AGPAT2: variants seen among roughly 807,000 people sequenced by gnomAD.
The protein encoded by AGPAT2 is 1-acylglycerol-3-phosphate O-acyltransferase 2.
AGPAT2 carries 18 observed loss-of-function variants against 26.1 expected under a neutral mutation model. The observed-to-expected ratio is 0.69, with a 90% confidence interval of 0.48 to 1.02. The LOEUF is 1.02. AGPAT2 is among the 50% of genes least tolerant of loss of function. The probability of loss-of-function intolerance (pLI) is 0.00; values close to 1 mark genes in which losing one functional copy is unlikely to be tolerated. For synonymous variants in AGPAT2, 200 were observed against 174.2 expected, an observed-to-expected ratio of 1.15 and a Z score of -1.16; for missense variants, 415 against 394.9, an observed-to-expected ratio of 1.05 and a Z score of -0.43.
chr9:136,680,262 T>A (rs1846142556), intron 1 of AGPAT2, among the ~76,000 whole-genome samples: 1 of 152,248 alleles, frequency 6.6e-6, no homozygotes, highest in Non-Finnish European at 1.5e-5. Flanking sequence ...GGTCTCACTC[T>A]GTCACCCAGA....
Position 136,673,788 on chromosome 9 carries a change from C to T in AGPAT2, c.801G>A (p.Gly267=), listed in dbSNP as rs777428971. 1.0e-5 allele frequency: 16 copies of T among 1,603,908 alleles called. No homozygotes were observed. The highest frequency in any genetic ancestry group is 1.0e-5 in the Non-Finnish European group (12 of 1,176,888). ...GCTGCACGCCAGACCCCGCAGTGGC[C>T]CCGTTCTCCTGGGGGGTCTTGGAGA... is the stretch of plus-strand genomic sequence containing the variant. The part of the protein sequence containing the change: ...LHISKTPQEN[G]ATAGSGVQPA... Residue 267 remains glycine, a synonymous_variant, in exon 6 of 6, where the codon GGG becomes GGA. Coordinates refer to ENST00000371696, the MANE Select transcript of AGPAT2 (RefSeq NM_006412.4).
At chr9:136,682,837 C>T (rs1846178291) in intron 1 of AGPAT2, among the ~76,000 whole-genome samples, 2 of 152,300 alleles carry the variant, frequency 1.3e-5, no homozygotes, top group South Asian at 4.1e-4. Flanking sequence ...ACCGCCTGAG[C>T]TCAGCCCCCA....
intron 3 of AGPAT2, 93 bp downstream of exon 3, chr9:136,676,868 T>C (rs1203762070): frequency 6.7e-7 from 1 of 1,502,188 alleles, no homozygotes; most frequent in African/African-American, 1.4e-5. Flanking sequence ...GGGGGTCTTG[T>C]TTTTTCTGCC....
chr9:136,673,948 C>G, intron 5 of AGPAT2, 21 bp from the exon 6 acceptor site: 2 of 1,509,040 alleles, frequency 1.3e-6, no homozygotes, highest in South Asian at 1.3e-5. Context: ...AGCAACAGAC[C>G]TCAGTGGCCT....
chr9:136,675,477 G>A (rs71483286), intron 4 of AGPAT2, among the ~76,000 whole-genome samples: 1 of 86,350 alleles, frequency 1.2e-5, no homozygotes, highest in African/African-American at 3.9e-5. Context: ...TGGCAGCAGG[G>A]AGGGAGGAGG....
intron 1 of AGPAT2, among the ~76,000 whole-genome samples, chr9:136,683,640 C>T (rs2131019525): frequency 6.6e-6 from 1 of 152,298 alleles, no homozygotes; most frequent in Middle Eastern, 3.4e-3. Flanking sequence ...TGTGGGGGGT[C>T]CCCGTGACTC....
At chr9:136,684,336 C>T (rs1417427823) in intron 1 of AGPAT2, among the ~76,000 whole-genome samples, 10 of 152,192 alleles carry the variant, frequency 6.6e-5, no homozygotes, top group African/African-American at 2.4e-4. Flanking sequence ...ACCAGGGCAT[C>T]GGCCCCTGGT....
At chr9:136,677,254 G>C in intron 2 of AGPAT2, 118 bp from the exon 3 acceptor site, 1 of 1,496,976 alleles carries the variant, frequency 6.7e-7, no homozygotes, top group Non-Finnish European at 9.1e-7. Context: ...TACCTGGACG[G>C]GTCGTGTGGC....
Position 136,687,324 on chromosome 9 carries a change from G to A in AGPAT2, c.34C>T (p.Leu12=), listed in dbSNP as rs780288590. Residue 12 remains leucine, a synonymous_variant, in exon 1 of 6, where the codon CTG becomes TTG. Coordinates refer to ENST00000371696, the MANE Select transcript of AGPAT2 (RefSeq NM_006412.4). ...AGCTGCACCAGCAGCAGCAGCAACAGCAGCGCCGCGGCCAGACACGGCCAC... is the reference window on the plus strand; with the variant it reads ...AGCTGCACCAGCAGCAGCAGCAACAACAGCGCCGCGGCCAGACACGGCCAC... The part of the protein sequence containing the change: ...ELWPCLAAAL[L]LLLLLVQLSR... 1.9e-6 allele frequency: 3 copies of A among 1,555,198 alleles called. No homozygotes were observed. Among genetic ancestry groups the A allele is most frequent in the Non-Finnish European group, 8.7e-7 (1 of 1,155,496 alleles).
intron 1 of AGPAT2, among the ~76,000 whole-genome samples, chr9:136,683,068 G>C (rs1157622163): frequency 6.6e-6 from 1 of 151,316 alleles, no homozygotes; most frequent in East Asian, 2.0e-4. Context: ...ACTAGGGGGT[G>C]GGGGGGAGGG....
At position 136,677,554 on chromosome 9, in the gene AGPAT2, A is replaced by G. The variant is rs772032254; in HGVS notation, c.185T>C (p.Ile62Thr). Residue 62 changes from isoleucine to threonine, a missense_variant and splice_region_variant, in exon 2 of 6, where the codon ATC (isoleucine) becomes ACC (threonine). Ile to Thr is a moderately conservative substitution (Grantham distance 89). Coordinates refer to ENST00000371696, the MANE Select transcript of AGPAT2 (RefSeq NM_006412.4). ...GAAGCTTCGCACGAACCAGCCGATGATGCTGCAGGGGAGGCCACCATGAAC... is the reference window on the plus strand; with the variant it reads ...GAAGCTTCGCACGAACCAGCCGATGGTGCTGCAGGGGAGGCCACCATGAAC... ...HGGRTVENMS[I>T]IGWFVRSFKY... 9 of 1,612,774 alleles carry G rather than the reference A, an allele frequency of 5.6e-6. No homozygotes were observed. In the East Asian group the frequency reaches 2.0e-4, roughly 36 times the overall value.
Position 136,673,429 on chromosome 9 carries a change from G to A in AGPAT2, c.*323C>T. ...CCTCGGGGTCCTCCCATCTGCTCCT[G>A]GGCCATCGGGGGCCTTGTGGCTCAG... On this transcript the variant is annotated 3_prime_UTR_variant, in exon 6 of 6. Coordinates refer to ENST00000371696, the MANE Select transcript of AGPAT2 (RefSeq NM_006412.4). 4.0e-6 allele frequency: 1 copy of A among 250,828 alleles called. No homozygotes were observed. Among genetic ancestry groups the A allele is most frequent in the Non-Finnish European group, 7.6e-6 (1 of 131,046 alleles). The allele number at this position is 250,828 out of a possible 1,614,324, so 15.5% of individuals were successfully genotyped here.
At chr9:136,681,954 G>A (rs960829238) in intron 1 of AGPAT2, among the ~76,000 whole-genome samples, 22 of 152,200 alleles carry the variant, frequency 1.4e-4, no homozygotes, top group Admixed American at 1.1e-3. Flanking sequence ...GCAAAGCCTC[G>A]AGACAAGGGC....
Position 136,673,838 on chromosome 9 carries a change from C to T in AGPAT2, c.751G>A (p.Ala251Thr), listed in dbSNP as rs1328715652. ...VPALVDTCHR[A>T]MRTTFLHISK... ...ATGTGGAGGAAGGTGGTCCTCATGG[C>T]CCGGTGGCAGGTGTCCACGAGCGCA... is the stretch of plus-strand genomic sequence containing the variant. The change falls in exon 6 of 6, where the codon GCC (alanine) becomes ACC (threonine). Residue 251 changes from alanine to threonine, a missense_variant. By Grantham distance (58) the Ala-to-Thr change is moderately conservative (BLOSUM62 0). Coordinates refer to ENST00000371696, the MANE Select transcript of AGPAT2 (RefSeq NM_006412.4). 6.2e-7 allele frequency: 1 copy of T among 1,606,264 alleles called. No homozygotes were observed. The highest frequency in any genetic ancestry group is 8.5e-7 in the Non-Finnish European group (1 of 1,177,988).
Position 136,687,264 on chromosome 9 carries a change from G to C in AGPAT2, c.94C>G (p.Leu32Val). 1 of 1,590,380 alleles carries C rather than the reference G, an allele frequency of 6.3e-7. No homozygotes were observed. The highest frequency in any genetic ancestry group is 8.5e-7 in the Non-Finnish European group (1 of 1,172,416). The change falls in exon 1 of 6, where the codon CTG becomes GTG. Residue 32 changes from leucine (L) to valine (V), a missense_variant. Physicochemically the swap from Leu to Val is conservative, Grantham distance 32. Coordinates refer to ENST00000371696, the MANE Select transcript of AGPAT2 (RefSeq NM_006412.4). Reference protein sequence around the residue: ...RAAEFYAKVALYCALCFTVSA... With the variant: ...RAAEFYAKVAVYCALCFTVSA... ...ACCGTGAAGCACAGCGCGCAGTACA[G>C]GGCGACCTTGGCGTAGAACTCGGCC...
chr9:136,680,902 T>C (rs1399408070), intron 1 of AGPAT2, among the ~76,000 whole-genome samples: 2 of 150,676 alleles, frequency 1.3e-5, no homozygotes, highest in Middle Eastern at 3.4e-3. Flanking sequence ...CCTGACCTCA[T>C]GATCCGCCCG....
intron 1 of AGPAT2, among the ~76,000 whole-genome samples, chr9:136,683,958 T>C (rs1846191947): frequency 6.6e-6 from 1 of 152,190 alleles, no homozygotes; most frequent in African/African-American, 2.4e-5. Context: ...CTCCCCACAC[T>C]GGGCGTGTGG....
intron 1 of AGPAT2, among the ~76,000 whole-genome samples, chr9:136,679,278 G>A (rs1053288582): frequency 2.6e-5 from 4 of 152,002 alleles, no homozygotes; most frequent in African/African-American, 9.7e-5. Flanking sequence ...TGTGAGCCCA[G>A]GCCTGCGGCA....
intron 1 of AGPAT2, among the ~76,000 whole-genome samples, chr9:136,680,531 A>G (rs892279157): frequency 1.3e-5 from 2 of 151,364 alleles, no homozygotes; most frequent in Non-Finnish European, 2.9e-5. Context: ...CCGGCCAGCT[A>G]GTTTCTTAGT....
Sources: gnomAD v4.1 joint callset for allele counts (sites outside exome capture counted in the v4.1 genomes callset) on GRCh38, gnomAD v4.1.1 for gene constraint, MANE v1.5 for transcripts, NCBI Gene and HGNC (gene_info 2026-07-23, HGNC 2026-07-21) for gene names.